Variants in NTHL1 observed in about 807,000 individuals in gnomAD.
NTHL1 encodes the protein endonuclease III-like protein 1.
A neutral mutation model predicts 32.3 loss-of-function variants in NTHL1; 32 were observed. The observed-to-expected ratio is 0.99, with a 90% CI of 0.75 to 1.33. NTHL1 has a LOEUF of 1.33. Ranked by LOEUF, NTHL1 falls within the 40% of genes most tolerant of loss-of-function variation. NTHL1 has a pLI of 0.00. For synonymous variants in NTHL1, 188 were observed against 176.9 expected (o/e 1.06, Z -0.50); for missense variants, 501 against 414.1 (o/e 1.21, Z -1.82).
chr16:2,040,196 C>T lies in NTHL1; in HGVS notation c.728G>A (p.Trp243Ter), dbSNP rs1184801355. The part of the protein sequence containing the change: ...HVHRIANRLR[W>*]TKKATKSPEE... ...TGGGGACTTGGTTGCCTTCTTGGTC[C>T]ACCTCAGCCTGTTGGCGATTCTGTG... The change falls in exon 5 of 6, where the codon TGG becomes TAG. Residue 243 changes from tryptophan to a stop codon, truncating the protein, a stop_gained. Coordinates refer to ENST00000651570, the MANE Select transcript of NTHL1 (RefSeq NM_002528.7). LOFTEE classifies it high-confidence loss of function. 1.2e-6 allele frequency: 2 copies of T among 1,613,982 alleles called. No individual in the cohort carries two copies. Among genetic ancestry groups the T allele is most frequent in the East Asian group, 2.2e-5 (1 of 44,880 alleles).
In NTHL1 at chr16:2,044,871, C is replaced by CG. The variant is rs1473707433; in HGVS notation, c.355-72dup. 2.7e-6 allele frequency: 4 copies of CG among 1,477,844 alleles called. No homozygotes were observed. The African/African-American group carries it at 5.6e-5, about 21-fold the overall frequency. The allele number at this position is 1,477,844 out of a possible 1,614,324, so 91.5% of individuals were successfully genotyped here. Reference sequence around the variant, plus strand: ...GATTCCCTGGCCAGGCTCCGCCCCCCGCCCTCGACACACCCTGGTTTGTTG... The same window carrying CG: ...GATTCCCTGGCCAGGCTCCGCCCCCCGGCCCTCGACACACCCTGGTTTGTTG... On this transcript the variant is annotated intron_variant, in intron 2 of 5. Coordinates refer to ENST00000651570, the MANE Select transcript of NTHL1 (RefSeq NM_002528.7). The surrounding 1 kb of genome is among the most constrained non-coding windows in gnomAD (Gnocchi z 5.0).
In NTHL1 at chr16:2,040,059, G is replaced by A; in HGVS notation, c.792-12C>T. On this transcript the variant is annotated splice_polypyrimidine_tract_variant and intron_variant, in intron 5 of 5. Coordinates refer to ENST00000651570, the MANE Select transcript of NTHL1 (RefSeq NM_002528.7). ...CGTGCCACAGCTCCCTGTGGGGGTG[G>A]GGGCTGGGTCAGTGCTGACAGAGGG... The A allele has an allele frequency of 1.2e-6, 2 of 1,612,514 alleles. No individual in the cohort carries two copies. Among genetic ancestry groups the A allele is most frequent in the Non-Finnish European group, 1.7e-6 (2 of 1,180,014 alleles).
At chr16:2,045,939 C>T (rs2084348859) in intron 2 of NTHL1, among the ~76,000 whole-genome samples, 189 bp downstream of exon 2, 1 of 152,174 alleles carries the variant, frequency 6.6e-6, no homozygotes, top group South Asian at 2.1e-4. Flanking sequence ...AGCACGAGGC[C>T]CTAAACCACT....
At position 2,044,652 on chromosome 16, in the gene NTHL1, A is replaced by G. The variant is rs1805378; in HGVS notation, c.503T>C (p.Ile168Thr). Reference sequence around the variant, plus strand: ...CACCCTCCAGAAACCGACGGGGTAGATGAGCTTGCCCAGCGTGGCATCATC... The same window carrying G: ...CACCCTCCAGAAACCGACGGGGTAGGTGAGCTTGCCCAGCGTGGCATCATC... ...QTDDATLGKL[I>T]YPVGFWRSKV... The change falls in exon 3 of 6, where the codon ATC becomes ACC. Residue 168 changes from isoleucine to threonine, a missense_variant. Coordinates refer to ENST00000651570, the MANE Select transcript of NTHL1 (RefSeq NM_002528.7). The surrounding 1 kb of genome is among the most constrained non-coding windows in gnomAD (Gnocchi z 5.0). 2,909 of 1,607,812 alleles carry G rather than the reference A, an allele frequency of 1.8e-3. 9 individuals carry two copies. Among genetic ancestry groups the G allele is most frequent in the Middle Eastern group, 8.6e-3 (51 of 5,920 alleles).
chr16:2,040,107 C>A (rs749069525), intron 5 of NTHL1, 26 bp downstream of exon 5: 1 of 1,612,812 alleles, frequency 6.2e-7, no homozygotes. Context: ...GCTCTTCTCC[C>A]TAGGAAGCCC....
chr16:2,047,617 G>C, intron 1 of NTHL1, 92 bp downstream of exon 1: 1 of 1,473,264 alleles, frequency 6.8e-7, no homozygotes, highest in Non-Finnish European at 9.0e-7. Flanking sequence ...GCCCCTGCCC[G>C]CGCAGCTGGG....
Position 2,046,209 on chromosome 16 carries a change from G to A in NTHL1, c.273C>T (p.Ile91=), listed in dbSNP as rs751900193. The A allele has an allele frequency of 5.5e-5, 88 of 1,613,234 alleles. No homozygotes were observed. Among genetic ancestry groups the A allele is most frequent in the South Asian group, 3.7e-4 (34 of 91,080 alleles). ...PQDWQQQLVN[I]RAMRNKKDAP... ...CATCCTTTTTGTTCCTCATGGCACGGATGTTGACCAGCTGTTGCTGCCAGT... is the reference window on the plus strand; with the variant it reads ...CATCCTTTTTGTTCCTCATGGCACGAATGTTGACCAGCTGTTGCTGCCAGT... The change falls in exon 2 of 6, where the codon ATC becomes ATT. Residue 91 remains isoleucine, a synonymous_variant. Transcript: ENST00000651570.
chr16:2,043,339 G>A lies in NTHL1; in HGVS notation c.685+228C>T. The A allele has an allele frequency of 1.7e-6, 1 of 599,362 alleles. No individual in the cohort carries two copies. The highest frequency in any genetic ancestry group is 3.0e-6 in the Non-Finnish European group (1 of 338,734). 37.1% of individuals were successfully genotyped at this position (599,362 alleles called of 1,614,324 possible). The stretch of plus-strand genomic sequence containing the variant: ...CAACGCAGATGGAGTCCAGCTCCGG[G>A]GCCTCTCTCAGAGCCCTGCACGGAG... On this transcript the variant is annotated intron_variant, in intron 4 of 5. Transcript: ENST00000651570. This position sits in a 1 kb window ranked among gnomAD's most constrained non-coding sequence, Gnocchi z 4.4.
At chr16:2,046,494 G>T in intron 1 of NTHL1, 128 bp from the exon 2 acceptor site, 1 of 849,090 alleles carries the variant, frequency 1.2e-6, no homozygotes, top group Non-Finnish European at 1.8e-6. Context: ...ATACACTTGG[G>T]GTGCTCTGCC....
chr16:2,042,771 C>A (rs1010302094), intron 4 of NTHL1, among the ~76,000 whole-genome samples: 6 of 149,070 alleles, frequency 4.0e-5, no homozygotes, highest in Non-Finnish European at 9.0e-5. Flanking sequence ...GCCCTCCCCC[C>A]AGTGCCTCCC....
rs970577512 is a variant in NTHL1 at position 2,044,063 on chromosome 16, A to G, written c.526-337T>C. 10 of 400,804 alleles carry G rather than the reference A, an allele frequency of 2.5e-5. No homozygotes were observed. Among genetic ancestry groups the G allele is most frequent in the Non-Finnish European group, 4.7e-5 (10 of 213,736 alleles). The allele number at this position is 400,804 out of a possible 1,614,324, so 24.8% of individuals were successfully genotyped here. ...GCTTGGCTGCACCTGCGCCTTCAGG[A>G]AGGAGGGCTGGAGCTGGGGCTTCCC... On this transcript the variant is annotated intron_variant, in intron 3 of 5. Transcript: ENST00000651570. The surrounding 1 kb of genome is among the most constrained non-coding windows in gnomAD (Gnocchi z 5.0).
rs545731865 is a variant in NTHL1 at position 2,046,139 on chromosome 16, C to T, written c.343G>A (p.Ala115Thr). 1.9e-6 allele frequency: 3 copies of T among 1,612,652 alleles called. No homozygotes were observed. The highest frequency in any genetic ancestry group is 1.7e-4 in the Middle Eastern group (1 of 6,058). The change falls in exon 2 of 6, where the codon GCC becomes ACC. Residue 115 changes from alanine (A) to threonine (T), a missense_variant. By Grantham distance (58) the Ala-to-Thr change is moderately conservative. Transcript: ENST00000651570. ...GGGCCCCTGCCTACCTTTGGGGGGG[C>T]ACTGGAGTCATAGCAGTGCTCAGTC... is the stretch of plus-strand genomic sequence containing the variant. ...LGTEHCYDSS[A>T]PPKVRRYQVL...
rs2084320980 is a variant in NTHL1 at position 2,044,827 on chromosome 16, G to T, written c.355-27C>A. 2.6e-6 allele frequency: 4 copies of T among 1,561,144 alleles called. No homozygotes were observed. ...TGCTTGTGCAGTGACAGGGACCGGG[G>T]TGGCGGCGGGTCCTGGGTGATTCCC... On this transcript the variant is annotated intron_variant, in intron 2 of 5. Coordinates refer to ENST00000651570, the MANE Select transcript of NTHL1 (RefSeq NM_002528.7). This position sits in a 1 kb window ranked among gnomAD's most constrained non-coding sequence, Gnocchi z 5.0.
rs369076851 is a variant in NTHL1, at chr16:2,043,645, G to A, written c.607C>T (p.Leu203=). 71 of 1,611,518 alleles carry A rather than the reference G, an allele frequency of 4.4e-5. No homozygotes were observed. Among genetic ancestry groups the A allele is most frequent in the Admixed American group, 2.3e-4 (14 of 60,000 alleles). ...GGDIPASVAE[L]VALPGVGPKM... ...GGCCCAACACCCGGCAGCGCCACCA[G>A]CTCGGCCACAGAGGCTGGGATGTCC... Residue 203 remains leucine (L), a synonymous_variant, in exon 4 of 6, where the codon CTG becomes TTG. Transcript: ENST00000651570. This position sits in a 1 kb window ranked among gnomAD's most constrained non-coding sequence, Gnocchi z 4.4.
rs138812334 is a variant in NTHL1, at chr16:2,046,150, T to C, written c.332A>G (p.Tyr111Cys). The change falls in exon 2 of 6, where the codon TAT becomes TGT. Residue 111 changes from tyrosine to cysteine, a missense_variant. Transcript: ENST00000651570. ...TACCTTTGGGGGGGCACTGGAGTCATAGCAGTGCTCAGTCCCCAGATGGTC... is the reference window on the plus strand; with the variant it reads ...TACCTTTGGGGGGGCACTGGAGTCACAGCAGTGCTCAGTCCCCAGATGGTC... ...PVDHLGTEHC[Y>C]DSSAPPKVRR... 35 of 1,612,814 alleles carry C rather than the reference T, an allele frequency of 2.2e-5. No homozygotes were observed. The highest frequency in any genetic ancestry group is 2.3e-5 in the Non-Finnish European group (27 of 1,179,778).
In NTHL1 at chr16:2,040,054, G is replaced by A. The variant is rs1596216178; in HGVS notation, c.792-7C>T. 2 of 1,612,594 alleles carry A rather than the reference G, an allele frequency of 1.2e-6. No homozygotes were observed. The highest frequency in any genetic ancestry group is 1.3e-5 in the African/African-American group (1 of 75,026). Reference sequence around the variant, plus strand: ...GATCTCGTGCCACAGCTCCCTGTGGGGGTGGGGGCTGGGTCAGTGCTGACA... The same window carrying A: ...GATCTCGTGCCACAGCTCCCTGTGGAGGTGGGGGCTGGGTCAGTGCTGACA... On this transcript the variant is annotated splice_region_variant and splice_polypyrimidine_tract_variant and intron_variant, in intron 5 of 5. Coordinates refer to ENST00000651570, the MANE Select transcript of NTHL1 (RefSeq NM_002528.7).
rs149277519 is a variant in NTHL1 at position 2,046,133 on chromosome 16, G to C, written c.349C>G (p.Pro117Ala). ...CAGATGGGGCCCCTGCCTACCTTTG[G>C]GGGGGCACTGGAGTCATAGCAGTGC... ...TEHCYDSSAPPKVRRYQVLLS... is the reference protein window; with the variant it reads ...TEHCYDSSAPAKVRRYQVLLS... The change falls in exon 2 of 6, where the codon CCA becomes GCA. Residue 117 changes from proline to alanine, a missense_variant. Pro to Ala is a conservative substitution (Grantham distance 27). Transcript: ENST00000651570. 5.0e-6 allele frequency: 8 copies of C among 1,611,780 alleles called. No individual in the cohort carries two copies. In the South Asian group the frequency reaches 5.5e-5, roughly 11 times the overall value.
rs2084371810 is a variant in NTHL1, at chr16:2,046,224, T to C, written c.258A>G (p.Gln86=). 1.2e-6 allele frequency: 2 copies of C among 1,613,082 alleles called. No individual in the cohort carries two copies. The highest frequency in any genetic ancestry group is 1.7e-6 in the Non-Finnish European group (2 of 1,180,010). ...TCATGGCACGGATGTTGACCAGCTG[T>C]TGCTGCCAGTCCTGGGGCTCCCAGA... ...VPVWEPQDWQ[Q]QLVNIRAMRN... The change falls in exon 2 of 6, where the codon CAA becomes CAG. Residue 86 remains glutamine (Q), a synonymous_variant. Transcript: ENST00000651570.
In NTHL1 at chr16:2,046,382, C is replaced by T. The variant is rs145790217; in HGVS notation, c.116-16G>A. On this transcript the variant is annotated splice_polypyrimidine_tract_variant and intron_variant, in intron 1 of 5. Transcript: ENST00000651570. Reference sequence around the variant, plus strand: ...TTCCTCGCTTCTGCAAAAAGCACCACGCAGTCCCTCTGGTGGGGCCACAGG... The same window carrying T: ...TTCCTCGCTTCTGCAAAAAGCACCATGCAGTCCCTCTGGTGGGGCCACAGG... 4.5e-4 allele frequency: 724 copies of T among 1,600,050 alleles called. 2 individuals carry two copies. The Middle Eastern group carries it at 9.0e-3, about 20-fold the overall frequency.
Sources: gnomAD v4.1 joint callset for allele counts (sites outside exome capture counted in the v4.1 genomes callset) on GRCh38, gnomAD v4.1.1 for gene constraint, Gnocchi (gnomAD v3.1) non-coding constraint, MANE v1.5 for transcripts, NCBI Gene and HGNC (gene_info 2026-07-23, HGNC 2026-07-21) for gene names.